COL19A1: variants seen among roughly 807,000 people sequenced by gnomAD.
The protein encoded by COL19A1 is collagen type XIX alpha 1 chain, also known as collagen alpha-1(XIX) chain.
Under a neutral mutation model 190.2 loss-of-function variants are expected in COL19A1, and 159 were observed. That is an observed-to-expected ratio of 0.84 (90% CI 0.73 to 0.95). The LOEUF (loss-of-function observed/expected upper bound fraction) is 0.95. Among genes scored for constraint, COL19A1 ranks in the 40% least tolerant of loss-of-function variants. COL19A1 has a pLI of 0.00. For missense variants in COL19A1, 1,418 were observed against 1,431.9 expected, an observed-to-expected ratio of 0.99 and a Z score of 0.16; for synonymous variants, 509 against 458.9, an observed-to-expected ratio of 1.11 and a Z score of -1.39.
chr6:69,881,410 T>C (rs1768544983), intron 2 of COL19A1, among the ~76,000 whole-genome samples: 1 of 152,200 alleles, frequency 6.6e-6, no homozygotes, highest in Non-Finnish European at 1.5e-5. Flanking sequence ...TCTGCCCTCT[T>C]AACAAATTTT....
intron 14 of COL19A1, among the ~76,000 whole-genome samples, chr6:70,038,494 G>A (rs970349211): frequency 3.3e-5 from 5 of 152,250 alleles, no homozygotes; most frequent in East Asian, 1.9e-4. Flanking sequence ...AATACATAGC[G>A]ATAAAGAACT....
intron 6 of COL19A1, 134 bp from the exon 7 acceptor site, chr6:69,932,649 A>T: frequency 1.7e-6 from 1 of 578,188 alleles, no homozygotes; most frequent in South Asian, 2.5e-5. Context: ...ATTTAATAAA[A>T]ACATTAAAAT....
intron 40 of COL19A1, among the ~76,000 whole-genome samples, chr6:70,169,700 A>C (rs1418062552): frequency 6.6e-6 from 1 of 152,132 alleles, no homozygotes; most frequent in Non-Finnish European, 1.5e-5. Flanking sequence ...TTGTTTTACT[A>C]TTCATTCACC....
At position 70,102,156 on chromosome 6, in the gene COL19A1, CT is replaced by C; in HGVS notation, c.1225-10del. On this transcript the variant is annotated splice_polypyrimidine_tract_variant and intron_variant, in intron 15 of 50. Transcript: ENST00000620364. ...GTCACAGTATTTATCATCTATTCTT[CT>C]TTGGTTTCAAGGGAAGACGAGGGAA... is the stretch of plus-strand genomic sequence containing the variant. The C allele has an allele frequency of 6.2e-7, 1 of 1,609,834 alleles. No homozygotes were observed. The highest frequency in any genetic ancestry group is 8.5e-7 in the Non-Finnish European group (1 of 1,176,330).
intron 34 of COL19A1, among the ~76,000 whole-genome samples, chr6:70,160,211 C>T (rs544846266): frequency 1.3e-5 from 2 of 152,074 alleles, no homozygotes; most frequent in Non-Finnish European, 2.9e-5. Context: ...AGGAAACTTA[C>T]AATCATGACA....
At chr6:70,131,172 G>GA (rs1235234090) in intron 18 of COL19A1, 28 of 287,572 alleles carry the variant, frequency 9.7e-5, no homozygotes, top group South Asian at 3.7e-4. Context: ...GCCATTGTCA[G>GA]AAAAAAAATG....
chr6:70,166,269 G>A (rs1320642696), intron 37 of COL19A1, among the ~76,000 whole-genome samples: 1 of 152,148 alleles, frequency 6.6e-6, no homozygotes, highest in African/African-American at 2.4e-5. Flanking sequence ...CGGGGCCCCT[G>A]GGAAAGTCAT....
chr6:69,970,776 A>G (rs1435725112), intron 11 of COL19A1, among the ~76,000 whole-genome samples: 1 of 152,204 alleles, frequency 6.6e-6, no homozygotes, highest in Non-Finnish European at 1.5e-5. Flanking sequence ...CTAAACTTCT[A>G]CAATTTTTAG....
chr6:69,943,835 T>G (rs1773621449), intron 9 of COL19A1, among the ~76,000 whole-genome samples: 1 of 152,170 alleles, frequency 6.6e-6, no homozygotes, highest in East Asian at 1.9e-4. Context: ...AGAAAAATGT[T>G]ACTCTTATTT....
At chr6:70,094,432 A>G (rs1783116406) in intron 15 of COL19A1, among the ~76,000 whole-genome samples, 1 of 152,200 alleles carries the variant, frequency 6.6e-6, no homozygotes, top group Non-Finnish European at 1.5e-5. Context: ...GGAATGTTAG[A>G]GAGAAGTCAG....
At chr6:69,983,012 A>G (rs191108960) in intron 11 of COL19A1, among the ~76,000 whole-genome samples, 106 of 149,662 alleles carry the variant, frequency 7.1e-4, no homozygotes, top group African/African-American at 2.4e-3. Flanking sequence ...AAATAAATAA[A>G]TAAATAAATA....
At chr6:69,966,697 C>T (rs1453457302) in intron 11 of COL19A1, among the ~76,000 whole-genome samples, 1 of 151,504 alleles carries the variant, frequency 6.6e-6, no homozygotes, top group Non-Finnish European at 1.5e-5. Context: ...ATCTGCTGAC[C>T]TTCCCTCCAC....
At chr6:70,161,557 G>A (rs143663011) in intron 34 of COL19A1, among the ~76,000 whole-genome samples, 1 of 152,058 alleles carries the variant, frequency 6.6e-6, no homozygotes, top group Non-Finnish European at 1.5e-5. Context: ...TATAATGGAC[G>A]TTGGAGGCCC....
chr6:70,183,693 G>A (rs932226264), intron 44 of COL19A1, among the ~76,000 whole-genome samples: 4 of 152,264 alleles, frequency 2.6e-5, no homozygotes, highest in Middle Eastern at 3.4e-3. Flanking sequence ...AAAGGTTGGC[G>A]AACTATGGTT....
At chr6:70,147,401 C>A (rs1432472360) in intron 27 of COL19A1, among the ~76,000 whole-genome samples, 1 of 151,926 alleles carries the variant, frequency 6.6e-6, no homozygotes, top group Non-Finnish European at 1.5e-5. Flanking sequence ...AAGGACAGAG[C>A]CTAGAACAGC....
intron 15 of COL19A1, among the ~76,000 whole-genome samples, chr6:70,075,337 T>C (rs1781820042): frequency 6.6e-6 from 1 of 152,194 alleles, no homozygotes; most frequent in Non-Finnish European, 1.5e-5. Context: ...TGCATCTCTG[T>C]TTGCAGAGCT....
chr6:70,046,267 T>C (rs1313037246), intron 14 of COL19A1, among the ~76,000 whole-genome samples: 1 of 152,198 alleles, frequency 6.6e-6, no homozygotes, highest in East Asian at 1.9e-4. Context: ...AGCCAATTAA[T>C]GGTCTCCCTC....
At chr6:69,881,161 T>A (rs950018756) in intron 2 of COL19A1, among the ~76,000 whole-genome samples, 1 of 152,190 alleles carries the variant, frequency 6.6e-6, no homozygotes, top group African/African-American at 2.4e-5. Context: ...GATTTGGTAA[T>A]TTACATCTTT....
Position 70,172,001 on chromosome 6 carries a change from GA to G in COL19A1, c.2607del (p.Pro871GlnfsTer3), listed in dbSNP as rs1305913899. The G allele has an allele frequency of 6.2e-7, 1 of 1,611,080 alleles. No individual in the cohort carries two copies. The highest frequency in any genetic ancestry group is 8.5e-7 in the Non-Finnish European group (1 of 1,179,168). ...PGAMGLPGLE[G>X]FPGVKGDRGP... ...GCAATGGGGTTGCCAGGATTAGAAG[GA>G]TTTCCAGGTGTAAAGGTAAGCACAG... On this transcript the variant is annotated frameshift_variant, in exon 41 of 51. Transcript: ENST00000620364. LOFTEE classifies it high-confidence loss of function.
Sources: gnomAD v4.1 joint callset for allele counts (sites outside exome capture counted in the v4.1 genomes callset) on GRCh38, gnomAD v4.1.1 for gene constraint, MANE v1.5 for transcripts, NCBI Gene and HGNC (gene_info 2026-07-23, HGNC 2026-07-21) for gene names.